Variants in XKR4 observed in about 807,000 individuals in gnomAD.
XKR4 encodes the protein XK related 4, also known as XK-related protein 4.
In XKR4, 12 loss-of-function variants were observed where a neutral mutation model predicts 53.9. The ratio of observed to expected loss-of-function variants is 0.22; its 90% confidence interval spans 0.14 to 0.36. The LOEUF (loss-of-function observed/expected upper bound fraction) is 0.36. Among genes scored for constraint, XKR4 ranks in the 10% least tolerant of loss-of-function variants. The probability of loss-of-function intolerance (pLI) is 1.00; values close to 1 mark genes in which losing one functional copy is unlikely to be tolerated. For synonymous variants in XKR4, 354 were observed against 362.4 expected (o/e 0.98, Z 0.26); for missense variants, 799 against 859.5 (o/e 0.93, Z 0.88).
intron 1 of XKR4, among the ~76,000 whole-genome samples, chr8:55,326,197 G>A (rs1469919518): frequency 6.6e-6 from 1 of 152,104 alleles, no homozygotes; most frequent in African/African-American, 2.4e-5. Context: ...TACTGCAATT[G>A]TTCAGGCAAA....
intron 2 of XKR4, among the ~76,000 whole-genome samples, chr8:55,457,814 G>A (rs1805592384): frequency 6.6e-6 from 1 of 152,084 alleles, no homozygotes; most frequent in East Asian, 1.9e-4. Context: ...TACACACACA[G>A]TTAGGTTTAT....
intron 1 of XKR4, among the ~76,000 whole-genome samples, chr8:55,203,114 G>A (rs768526954): frequency 1.4e-4 from 22 of 152,210 alleles, no homozygotes; most frequent in Non-Finnish European, 3.1e-4. Context: ...CCAGGGTGTC[G>A]GATAAAATGA....
intron 1 of XKR4, among the ~76,000 whole-genome samples, chr8:55,148,634 G>A (rs1319231389): frequency 6.6e-6 from 1 of 151,986 alleles, no homozygotes; most frequent in African/African-American, 2.4e-5. Flanking sequence ...AGCAAACCAT[G>A]TTATATTTTA....
At chr8:55,224,413 A>C (rs1290308183) in intron 1 of XKR4, among the ~76,000 whole-genome samples, 1 of 152,230 alleles carries the variant, frequency 6.6e-6, no homozygotes, top group Non-Finnish European at 1.5e-5. Context: ...ATAGAAAATT[A>C]AATGATGTTT....
chr8:55,106,149 T>C (rs921352394), intron 1 of XKR4, among the ~76,000 whole-genome samples: 4 of 152,214 alleles, frequency 2.6e-5, no homozygotes, highest in African/African-American at 9.6e-5. Flanking sequence ...TGGTAACTGC[T>C]TCTTGTGTTT....
chr8:55,414,300 T>C (rs1320207899), intron 2 of XKR4, among the ~76,000 whole-genome samples: 2 of 152,132 alleles, frequency 1.3e-5, no homozygotes, highest in African/African-American at 4.8e-5. Context: ...AGATATTTAG[T>C]CAGCTTTTGC....
At chr8:55,484,896 C>A (rs1806169888) in intron 2 of XKR4, among the ~76,000 whole-genome samples, 1 of 152,234 alleles carries the variant, frequency 6.6e-6, no homozygotes, top group African/African-American at 2.4e-5. Flanking sequence ...ATTTCTCTGG[C>A]TTTCAGTCCC....
intron 1 of XKR4, among the ~76,000 whole-genome samples, chr8:55,309,514 G>A (rs1029909392): frequency 3.9e-5 from 6 of 152,142 alleles, no homozygotes; most frequent in African/African-American, 7.2e-5. Flanking sequence ...TGGTGTATAC[G>A]TGAACATAAA....
chr8:55,225,211 G>A (rs1397049585), intron 1 of XKR4, among the ~76,000 whole-genome samples: 1 of 152,060 alleles, frequency 6.6e-6, no homozygotes, highest in Non-Finnish European at 1.5e-5. Flanking sequence ...TGCTTCATGT[G>A]GCTATTTTTA....
chr8:55,283,698 A>G (rs1818870319), intron 1 of XKR4, among the ~76,000 whole-genome samples: 1 of 152,206 alleles, frequency 6.6e-6, no homozygotes. Flanking sequence ...ATTATAATTA[A>G]CAAAATATTT....
intron 2 of XKR4, among the ~76,000 whole-genome samples, chr8:55,375,207 C>A (rs1447561904): frequency 6.6e-6 from 1 of 152,210 alleles, no homozygotes; most frequent in East Asian, 1.9e-4. Context: ...TTTTAAAGAT[C>A]TAAATTGCAG....
At chr8:55,208,082 C>G (rs1006815059) in intron 1 of XKR4, among the ~76,000 whole-genome samples, 1 of 152,188 alleles carries the variant, frequency 6.6e-6, no homozygotes, top group Non-Finnish European at 1.5e-5. Context: ...AGGTGCACAT[C>G]ATGATGTTTT....
chr8:55,386,263 G>A (rs909295374), intron 2 of XKR4, among the ~76,000 whole-genome samples: 8 of 152,134 alleles, frequency 5.3e-5, no homozygotes, highest in Non-Finnish European at 8.8e-5. Context: ...GGTCCCTCGC[G>A]GAGTCTTCCC....
intron 2 of XKR4, chr8:55,451,367 C>T: frequency 4.3e-6 from 3 of 697,906 alleles, no homozygotes; most frequent in Admixed American, 2.4e-5. Context: ...TGACTCCCCA[C>T]GTGGGCTGAG....
intron 1 of XKR4, among the ~76,000 whole-genome samples, chr8:55,165,982 TG>T (rs1233555863): frequency 6.6e-6 from 1 of 152,178 alleles, no homozygotes; most frequent in African/African-American, 2.4e-5. Flanking sequence ...TGTGTATCTT[TG>T]CTACTCAGGG....
At chr8:55,320,836 G>A (rs1803198392) in intron 1 of XKR4, among the ~76,000 whole-genome samples, 1 of 152,016 alleles carries the variant, frequency 6.6e-6, no homozygotes, top group South Asian at 2.1e-4. Flanking sequence ...CAGAAACTAC[G>A]ACAGAAGGCT....
At chr8:55,479,813 T>A (rs1212184370) in intron 2 of XKR4, among the ~76,000 whole-genome samples, 2 of 152,122 alleles carry the variant, frequency 1.3e-5, no homozygotes, top group Non-Finnish European at 2.9e-5. Context: ...AATGGATAAA[T>A]TCCTCAACAA....
At chr8:55,244,615 T>C (rs1221254990) in intron 1 of XKR4, among the ~76,000 whole-genome samples, 1 of 152,224 alleles carries the variant, frequency 6.6e-6, no homozygotes, top group Non-Finnish European at 1.5e-5. Flanking sequence ...ATGGTAGTTC[T>C]GTTTTAAGTT....
In XKR4 at chr8:55,531,694, A is replaced by C. The variant is rs1449132609; in HGVS notation, c.*7467A>C. On this transcript the variant is annotated 3_prime_UTR_variant, in exon 3 of 3. Transcript: ENST00000327381. ...ATAAACTTTGAAGCGATTCTTGAGA[A>C]CTTATTTCAAGAAAAGGCATGAAAT... 1 of 152,234 alleles carries C rather than the reference A, an allele frequency of 6.6e-6. No individual in the cohort carries two copies. Among genetic ancestry groups the C allele is most frequent in the East Asian group, 1.9e-4 (1 of 5,206 alleles). The allele number at this position is 152,234 out of a possible 1,614,324, so 9.4% of individuals were successfully genotyped here. A position where few individuals can be genotyped will look rare whatever the true frequency, so the allele number is the denominator to read the frequency against.
Sources: allele counts gnomAD v4.1 joint callset (sites outside exome capture counted in the v4.1 genomes callset), GRCh38; gene constraint gnomAD v4.1.1; transcripts MANE v1.5; gene names NCBI Gene and HGNC (gene_info 2026-07-23, HGNC 2026-07-21).